The following CPEB1 variants were observed in gnomAD, a reference collection of about 807,000 sequenced individuals.
CPEB1 encodes the protein cytoplasmic polyadenylation element binding protein 1.
A neutral mutation model predicts 65.8 loss-of-function variants in CPEB1; 7 were observed. The observed-to-expected ratio is 0.11, with a 90% CI of 0.06 to 0.20. CPEB1 has a LOEUF of 0.20. Among genes scored for constraint, CPEB1 ranks in the 10% least tolerant of loss-of-function variants. The probability of loss-of-function intolerance (pLI) is 1.00; values close to 1 mark genes in which losing one functional copy is unlikely to be tolerated. For missense variants in CPEB1, 551 were observed against 712.2 expected, an observed-to-expected ratio of 0.77 and a Z score of 2.58; for synonymous variants, 262 against 260.0, an observed-to-expected ratio of 1.01 and a Z score of -0.08.
chr15:82,586,269 C>G (rs886816633), intron 3 of CPEB1, among the ~76,000 whole-genome samples: 1 of 147,940 alleles, frequency 6.8e-6, no homozygotes, highest in African/African-American at 2.5e-5. Flanking sequence ...CACTAGCTAT[C>G]AATTTTCAGT....
intron 3 of CPEB1, among the ~76,000 whole-genome samples, chr15:82,584,784 T>C (rs1400737993): frequency 1.3e-5 from 2 of 149,218 alleles, no homozygotes; most frequent in East Asian, 1.9e-4. Context: ...AAGAGGCAAA[T>C]AGTGTGTTCA....
intron 3 of CPEB1, among the ~76,000 whole-genome samples, chr15:82,618,156 C>T (rs2044935694): frequency 6.6e-6 from 1 of 151,730 alleles, no homozygotes; most frequent in African/African-American, 2.4e-5. Context: ...CTTTTAGGAA[C>T]CTGCCAAACT....
intron 3 of CPEB1, among the ~76,000 whole-genome samples, chr15:82,610,958 CAAAAAAAAAAAAAA>C (rs60065545): frequency 9.0e-4 from 27 of 30,018 alleles, no homozygotes; most frequent in Non-Finnish European, 1.3e-3. Context: ...ACTCCAGTCT[CAAAAAAAAAAAAAA>C]AAAAAAAAAA....
rs1200773337 is a variant in CPEB1 at position 82,556,017 on chromosome 15, C to G, written c.793G>C (p.Ala265Pro). ...GAGGGAGTGACTGCAGCAAGAGCAGCTTGCTCTTGGTCCATCCGAGACCCT... is the reference window on the plus strand; with the variant it reads ...GAGGGAGTGACTGCAGCAAGAGCAGGTTGCTCTTGGTCCATCCGAGACCCT... ...GVGSRMDQEQ[A>P]ALAAVTPSPT... The change falls in exon 6 of 13, where the codon GCT (alanine) becomes CCT (proline). Residue 265 changes from alanine to proline, a missense_variant. By Grantham distance (27) the Ala-to-Pro change is conservative. Around this residue, in one of 6 missense-constraint regions of CPEB1, gnomAD observed 128 missense variants for 129.1 expected, o/e 0.99. Transcript: ENST00000684509. 1 of 1,613,742 alleles carries G rather than the reference C, an allele frequency of 6.2e-7. No homozygotes were observed. Among genetic ancestry groups the G allele is most frequent in the Admixed American group, 1.7e-5 (1 of 59,966 alleles).
chr15:82,642,806 T>C (rs118126863), intron 1 of CPEB1, among the ~76,000 whole-genome samples: 140 of 152,320 alleles, frequency 9.2e-4, no homozygotes, highest in Non-Finnish European at 1.1e-3. Context: ...AACTTCTCCA[T>C]AGCAGAGAAA....
At chr15:82,614,498 A>G (rs1239806180) in intron 3 of CPEB1, among the ~76,000 whole-genome samples, 1 of 152,234 alleles carries the variant, frequency 6.6e-6, no homozygotes, top group Non-Finnish European at 1.5e-5. Context: ...ACTGAAGTCT[A>G]AATAAATACT....
At chr15:82,606,981 G>A (rs1416133773) in intron 3 of CPEB1, among the ~76,000 whole-genome samples, 1 of 151,394 alleles carries the variant, frequency 6.6e-6, no homozygotes, top group East Asian at 1.9e-4. Context: ...AAAAAAACAA[G>A]AAACATATAT....
chr15:82,566,146 T>C (rs1188097998), intron 4 of CPEB1, among the ~76,000 whole-genome samples: 2 of 151,904 alleles, frequency 1.3e-5, no homozygotes, highest in Admixed American at 6.6e-5. Context: ...GCACCTGGAG[T>C]GTGATGGCAG....
intron 1 of CPEB1, among the ~76,000 whole-genome samples, chr15:82,643,303 C>T (rs587775004): frequency 6.6e-6 from 1 of 152,280 alleles, no homozygotes; most frequent in East Asian, 1.9e-4. Flanking sequence ...AATTCTTTGG[C>T]AAAAGCTCTG....
At chr15:82,547,003 A>G (rs987025848) in intron 11 of CPEB1, 140 bp downstream of exon 11, 7 of 618,742 alleles carry the variant, frequency 1.1e-5, no homozygotes, top group Admixed American at 5.7e-5. Flanking sequence ...CCTAACCTCA[A>G]TGTTAATTCT....
chr15:82,544,587 C>G lies in CPEB1; in HGVS notation c.*5G>C. 1 of 1,611,018 alleles carries G rather than the reference C, an allele frequency of 6.2e-7. No homozygotes were observed. The highest frequency in any genetic ancestry group is 1.1e-5 in the South Asian group (1 of 90,790). ...GCCACAGGCCACTGGGCAAGGCCAG[C>G]TCCTCTAGCTGGAATCTCGGTTCTT... On this transcript the variant is annotated 3_prime_UTR_variant, in exon 13 of 13. Transcript: ENST00000684509.
chr15:82,627,215 T>C lies in CPEB1; in HGVS notation c.249A>G (p.Arg83=). The C allele has an allele frequency of 6.2e-7, 1 of 1,609,056 alleles. No homozygotes were observed. Among genetic ancestry groups the C allele is most frequent in the South Asian group, 1.1e-5 (1 of 89,570 alleles). ...FSRVCTTPIN[R]GIHDHLPDFQ... ...CACCTGGCAAATGATCATGAATTCC[T>C]CGGTTTATAGGTGTAGTGCAGACTC... is the stretch of plus-strand genomic sequence containing the variant. Residue 83 remains arginine, a synonymous_variant, in exon 3 of 13, where the codon CGA becomes CGG. Coordinates refer to ENST00000684509, the MANE Select transcript of CPEB1 (RefSeq NM_001365242.1).
At position 82,606,603 on chromosome 15, in the gene CPEB1, G is replaced by A. The variant is rs1396067844; in HGVS notation, c.271+20590C>T. ...GGAGGCCGAGGCGGGCGGATCACGA[G>A]GTCAGGAGATCGAGACCATCCCGGC... On this transcript the variant is annotated intron_variant, in intron 3 of 12. Transcript: ENST00000684509. Among the ~76,000 whole-genome samples the A allele has an allele frequency of 8.5e-4, 40 of 47,310 alleles. 11 individuals carry two copies. Among genetic ancestry groups the A allele is most frequent in the Non-Finnish European group, 7.1e-4 (17 of 23,794 alleles). The allele number at this position is 47,310 out of a possible 152,430, so 31.0% of individuals were successfully genotyped here.
chr15:82,557,936 A>G lies in CPEB1; in HGVS notation c.511T>C (p.Leu171=). Residue 171 remains leucine, a synonymous_variant, in exon 5 of 13, where the codon TTG becomes CTG. Coordinates refer to ENST00000684509, the MANE Select transcript of CPEB1 (RefSeq NM_001365242.1). The stretch of plus-strand genomic sequence containing the variant: ...AGGGGATCCAGAGGCAGGAAGCTCA[A>G]GGGGGGTTTTCCTAGGACATTTCCC... ...PLGNVLGKPP[L]SFLPLDPLGS... is the part of the protein sequence containing the mutation. 6.2e-7 allele frequency: 1 copy of G among 1,613,872 alleles called. No individual in the cohort carries two copies. The highest frequency in any genetic ancestry group is 8.5e-7 in the Non-Finnish European group (1 of 1,179,870).
intron 4 of CPEB1, among the ~76,000 whole-genome samples, chr15:82,569,346 A>C (rs2039659032): frequency 6.6e-6 from 1 of 152,134 alleles, no homozygotes; most frequent in Non-Finnish European, 1.5e-5. Flanking sequence ...GTGTGTCCTC[A>C]ACCCTCAGAA....
intron 3 of CPEB1, among the ~76,000 whole-genome samples, chr15:82,587,106 A>C (rs2041866874): frequency 6.6e-6 from 1 of 152,220 alleles, no homozygotes; most frequent in Admixed American, 6.5e-5. Context: ...TATAAAGAAA[A>C]TGGGAATTAA....
chr15:82,580,021 T>C (rs1351347304), intron 3 of CPEB1, among the ~76,000 whole-genome samples: 2 of 121,496 alleles, frequency 1.6e-5, no homozygotes, highest in African/African-American at 6.0e-5. Context: ...CTACAAATAC[T>C]AGGAGAAAAG....
At position 82,627,197 on chromosome 15, in the gene CPEB1, C is replaced by G. The variant is rs776012986; in HGVS notation, c.267G>C (p.Leu89Phe). 6.2e-7 allele frequency: 1 copy of G among 1,609,992 alleles called. No individual in the cohort carries two copies. The highest frequency in any genetic ancestry group is 2.2e-5 in the East Asian group (1 of 44,814). Residue 89 changes from leucine to phenylalanine, a missense_variant, in exon 3 of 13, where the codon TTG becomes TTC. By Grantham distance (22) the Leu-to-Phe change is conservative (BLOSUM62 0). Around this residue, in one of 6 missense-constraint regions of CPEB1, gnomAD observed 223 missense variants for 228.6 expected, o/e 0.98. Transcript: ENST00000684509. ...AAGTTTTCAAACCTAAATCACCTGG[C>G]AAATGATCATGAATTCCTCGGTTTA... The part of the protein sequence containing the change: ...TPINRGIHDH[L>F]PDFQDSEETV...
At chr15:82,574,234 C>T (rs1466906770) in intron 3 of CPEB1, among the ~76,000 whole-genome samples, 1 of 152,192 alleles carries the variant, frequency 6.6e-6, no homozygotes, top group Non-Finnish European at 1.5e-5. Flanking sequence ...AGGATTTCTT[C>T]ACTAGCTCCA....
Sources: allele counts gnomAD v4.1 joint callset (sites outside exome capture counted in the v4.1 genomes callset), GRCh38; gene constraint gnomAD v4.1.1; regional missense constraint gnomAD v4.1.1; transcripts MANE v1.5; gene names NCBI Gene and HGNC (gene_info 2026-07-23, HGNC 2026-07-21).